Variants in RS1 observed in about 807,000 individuals in gnomAD.
RS1 encodes retinoschisin.
A neutral mutation model predicts 20.8 loss-of-function variants in RS1; 2 were observed. The ratio of observed to expected loss-of-function variants is 0.10; its 90% CI spans 0.04 to 0.30. RS1 has a LOEUF of 0.30. Among genes scored for constraint, RS1 ranks in the 10% least tolerant of loss-of-function variants. The pLI is 1.00. For missense variants in RS1, 151 were observed against 189.8 expected (o/e 0.80, Z 1.20); for synonymous variants, 70 against 75.8 (o/e 0.92, Z 0.40).
intron 2 of RS1, among the ~76,000 whole-genome samples, chrX:18,657,251 C>A (rs1211750524): frequency 4.0e-5 from 3 of 74,955 alleles, no homozygotes; most frequent in African/African-American, 1.6e-4. Context: ...GACAGAGTCT[C>A]GCTTTGTCAC....
At position 18,650,416 on chromosome X, in the gene RS1, ACTT is replaced by A. The variant is rs1275358718; in HGVS notation, c.185-3087_185-3085del. 1.7e-6 allele frequency: 2 copies of A among 1,209,813 alleles called. No homozygotes were observed. The highest frequency in any genetic ancestry group is 2.2e-6 in the Non-Finnish European group (2 of 894,719). ...CCCTCTGAATATTTTCCAGGAGAAT[ACTT>A]CTGCTGTGGTGACCCAAAGAAGCCT... On this transcript the variant is annotated intron_variant, in intron 3 of 5. Transcript: ENST00000379984.
rs1353854838 is a variant in RS1 at position 18,641,831 on chromosome X, T to C, written c.*173A>G. Reference sequence around the variant, plus strand: ...GAGTGGGGAATAAGTTCATTTTTATTTCATTGAAATCAGAAAGCTATATCT... The same window carrying C: ...GAGTGGGGAATAAGTTCATTTTTATCTCATTGAAATCAGAAAGCTATATCT... On this transcript the variant is annotated 3_prime_UTR_variant, in exon 6 of 6. Transcript: ENST00000379984. 2.2e-6 allele frequency: 1 copy of C among 458,906 alleles called. No individual in the cohort carries two copies. Among genetic ancestry groups the C allele is most frequent in the African/African-American group, 2.5e-5 (1 of 39,869 alleles). 37.8% of individuals were successfully genotyped at this position (458,906 alleles called of 1,213,427 possible).
chrX:18,659,357 C>T, intron 1 of RS1, among the ~76,000 whole-genome samples: 1 of 110,689 alleles, frequency 9.0e-6, no homozygotes, highest in South Asian at 4.0e-4. Flanking sequence ...ACCTGTAATC[C>T]CAGCCACCTG....
At chrX:18,642,235 C>T in intron 5 of RS1, 79 bp from the exon 6 acceptor site, 3 of 1,032,212 alleles carry the variant, frequency 2.9e-6, no homozygotes, top group Non-Finnish European at 4.1e-6. Flanking sequence ...GAGCTAGCCC[C>T]AACTTTTAAC....
chrX:18,648,493 C>T (rs1260093116), intron 3 of RS1, among the ~76,000 whole-genome samples: 1 of 110,829 alleles, frequency 9.0e-6, no homozygotes, highest in African/African-American at 3.3e-5. Context: ...CCACCTGCCT[C>T]GGCCTCCCAA....
At chrX:18,670,011 G>A (rs1928466937) in intron 1 of RS1, among the ~76,000 whole-genome samples, 1 of 112,086 alleles carries the variant, frequency 8.9e-6, no homozygotes, top group Middle Eastern at 4.7e-3. Context: ...ACAAAGATTG[G>A]TAAACTTTAG....
At chrX:18,670,795 G>A (rs1379803949) in intron 1 of RS1, among the ~76,000 whole-genome samples, 1 of 111,803 alleles carries the variant, frequency 8.9e-6, no homozygotes, top group Non-Finnish European at 1.9e-5. Flanking sequence ...GAGTTACTGG[G>A]ACAAGTTGCA....
At chrX:18,659,939 A>G (rs1928282497) in intron 1 of RS1, among the ~76,000 whole-genome samples, 1 of 111,854 alleles carries the variant, frequency 8.9e-6, no homozygotes, top group South Asian at 3.7e-4. Context: ...GGGAAGGAAT[A>G]TCACACAGGG....
At chrX:18,642,524 G>C (rs1312088704) in intron 5 of RS1, among the ~76,000 whole-genome samples, 2 of 112,228 alleles carry the variant, frequency 1.8e-5, no homozygotes, top group Non-Finnish European at 3.8e-5. Flanking sequence ...GGTGCTGCTA[G>C]AAAATGCCAC....
At chrX:18,645,603 G>A (rs947838840) in intron 4 of RS1, among the ~76,000 whole-genome samples, 3 of 110,178 alleles carry the variant, frequency 2.7e-5, no homozygotes, top group South Asian at 3.9e-4. Context: ...TACTTCTGTC[G>A]GTCTCCACCG....
chrX:18,658,608 A>G (rs976549570), intron 1 of RS1, among the ~76,000 whole-genome samples: 6 of 80,296 alleles, frequency 7.5e-5, no homozygotes, highest in Non-Finnish European at 1.7e-4. Context: ...GGTGCATACC[A>G]CCACACCTGG....
chrX:18,647,164 G>T lies in RS1; in HGVS notation c.326+27C>A, dbSNP rs761278303. ...GGCCTATTTTTTTTTAAAAGCACATGAAAAAAAATCCCCGGGCCCTGCTTA... is the reference window on the plus strand; with the variant it reads ...GGCCTATTTTTTTTTAAAAGCACATTAAAAAAAATCCCCGGGCCCTGCTTA... On this transcript the variant is annotated intron_variant, in intron 4 of 5. Transcript: ENST00000379984. 12 of 1,204,870 alleles carry T rather than the reference G, an allele frequency of 1.0e-5. No homozygotes were observed. The Admixed American group carries it at 2.4e-4, about 24-fold the overall frequency.
intron 4 of RS1, among the ~76,000 whole-genome samples, chrX:18,646,750 G>A (rs147239485): frequency 4.7e-4 from 52 of 110,931 alleles, no homozygotes; most frequent in African/African-American, 1.6e-3. Context: ...TGCACCTGCT[G>A]TACCCCACGC....
At chrX:18,664,603 T>G (rs915047573) in intron 1 of RS1, among the ~76,000 whole-genome samples, 155 of 111,713 alleles carry the variant, frequency 1.4e-3, no homozygotes, top group African/African-American at 4.9e-3. Flanking sequence ...ACTCCCAGCC[T>G]GGGCAACAGA....
chrX:18,657,687 G>GA, intron 1 of RS1, 22 bp from the exon 2 acceptor site: 2 of 1,162,047 alleles, frequency 1.7e-6, no homozygotes, highest in Non-Finnish European at 1.2e-6. Flanking sequence ...GGATGAGACA[G>GA]AAAAAATCTA....
In RS1 at chrX:18,644,502, C is replaced by T; in HGVS notation, c.450G>A (p.Lys150=). 1 of 1,211,748 alleles carries T rather than the reference C, an allele frequency of 8.3e-7. No individual in the cohort carries two copies. Among genetic ancestry groups the T allele is most frequent in the Non-Finnish European group, 1.1e-6 (1 of 895,322 alleles). The part of the protein sequence containing the change: ...GRCDIDEWMT[K]YSVQYRTDER... ...CATCGGTCCTGTACTGCACGCTGTA[C>T]TTGGTCATCCACTCATCGATGTCAC... is the stretch of plus-strand genomic sequence containing the variant. Residue 150 remains lysine, a synonymous_variant, in exon 5 of 6, where the codon AAG becomes AAA. Coordinates refer to ENST00000379984, the MANE Select transcript of RS1 (RefSeq NM_000330.4).
At chrX:18,668,652 A>G (rs765135483) in intron 1 of RS1, among the ~76,000 whole-genome samples, 2 of 113,241 alleles carry the variant, frequency 1.8e-5, no homozygotes, top group Non-Finnish European at 3.7e-5. Context: ...GGCGACAGGC[A>G]TATTCATGGG....
At chrX:18,668,559 C>G (rs776723201) in intron 1 of RS1, among the ~76,000 whole-genome samples, 1 of 113,079 alleles carries the variant, frequency 8.8e-6, no homozygotes, top group South Asian at 3.6e-4. Context: ...ACAGGAGGAA[C>G]GCACGCAGCA....
chrX:18,660,744 T>C (rs1363807600), intron 1 of RS1, among the ~76,000 whole-genome samples: 2 of 112,236 alleles, frequency 1.8e-5, no homozygotes, highest in Non-Finnish European at 3.8e-5. Flanking sequence ...CTGCAACCAC[T>C]TTTTTTGTGT....
Sources: allele counts gnomAD v4.1 joint callset (sites outside exome capture counted in the v4.1 genomes callset), GRCh38; gene constraint gnomAD v4.1.1; transcripts MANE v1.5; gene names NCBI Gene and HGNC (gene_info 2026-07-23, HGNC 2026-07-21).